THAP7: variants seen among roughly 807,000 people sequenced by gnomAD.
The protein encoded by THAP7 is THAP domain-containing protein 7.
In THAP7, 22 loss-of-function variants were observed where a neutral mutation model predicts 29.2. The observed-to-expected ratio is 0.75, with a 90% CI of 0.54 to 1.08. The LOEUF is 1.08. Ranked by LOEUF, THAP7 falls within the 50% of genes least tolerant of loss-of-function variation. The pLI, the probability that THAP7 is intolerant of heterozygous loss-of-function variation, is 0.00. For missense variants in THAP7, 448 were observed against 416.2 expected, an observed-to-expected ratio of 1.08 and a Z score of -0.66; for synonymous variants, 208 against 173.4, an observed-to-expected ratio of 1.20 and a Z score of -1.57.
In THAP7 at chr22:21,002,045, C is replaced by A; in HGVS notation, c.-134G>T. 1 of 772,282 alleles carries A rather than the reference C, an allele frequency of 1.3e-6. No homozygotes were observed. Among genetic ancestry groups the A allele is most frequent in the Non-Finnish European group, 2.0e-6 (1 of 508,904 alleles). The allele number at this position is 772,282 out of a possible 1,614,324, so 47.8% of individuals were successfully genotyped here. ...CCCCGGCCCGTTGTCGCCCCAACCC[C>A]GTCCCAGCCGATTCTCTTGACTTCT... is the stretch of plus-strand genomic sequence containing the variant. On this transcript the variant is annotated 5_prime_UTR_variant, in exon 1 of 4. Coordinates refer to ENST00000215742, the MANE Select transcript of THAP7 (RefSeq NM_030573.3).
Position 21,001,327 on chromosome 22 carries a change from G to A in THAP7, c.165C>T (p.Asp55=), listed in dbSNP as rs1036622006. The part of the protein sequence containing the change: ...RLDPSGQGLW[D]PASEYIYFCS... ...AGAAGTAGATGTACTCGGATGCCGG[G>A]TCCCACAGGCCCTGGCCGCTGGGGT... The change falls in exon 2 of 4, where the codon GAC becomes GAT. Residue 55 remains aspartate (D), a synonymous_variant. Coordinates refer to ENST00000215742, the MANE Select transcript of THAP7 (RefSeq NM_030573.3). 19 of 1,614,004 alleles carry A rather than the reference G, an allele frequency of 1.2e-5. No individual in the cohort carries two copies. The highest frequency in any genetic ancestry group is 1.4e-5 in the Non-Finnish European group (17 of 1,180,032).
chr22:21,000,175 G>C lies in THAP7; in HGVS notation c.635C>G (p.Ser212Ter). The change falls in exon 4 of 4, where the codon TCA (serine) becomes TGA (stop). Residue 212 changes from serine to a stop codon, truncating the protein, a stop_gained. Coordinates refer to ENST00000215742, the MANE Select transcript of THAP7 (RefSeq NM_030573.3). LOFTEE classifies it high-confidence loss of function. Reference protein sequence around the residue: ...SPLEPRPVSPSAYMLRLPPPA... With the variant: ...SPLEPRPVSP ...TGGGGGCAGGCGCAGCATATACGCTGAGGGGGAGACTGGCCGTGGTTCGAG... is the reference window on the plus strand; with the variant it reads ...TGGGGGCAGGCGCAGCATATACGCTCAGGGGGAGACTGGCCGTGGTTCGAG... 1 of 1,572,192 alleles carries C rather than the reference G, an allele frequency of 6.4e-7. No homozygotes were observed. Among genetic ancestry groups the C allele is most frequent in the Non-Finnish European group, 8.6e-7 (1 of 1,158,898 alleles).
chr22:21,000,653 C>G lies in THAP7; in HGVS notation c.371G>C (p.Arg124Thr). ...CCCCACCCATATCACATACCGCTTC[C>G]TGCATCGTCTGAGCCGGCTGACTTC... ...PAEVSRLRRC[R>T]KRCSEGRGPT... Residue 124 changes from arginine (R) to threonine (T), a missense_variant, in exon 3 of 4, where the codon AGG becomes ACG. Physicochemically the swap from Arg to Thr is moderately conservative, Grantham distance 71. Transcript: ENST00000215742. The G allele has an allele frequency of 6.2e-7, 1 of 1,614,118 alleles. No homozygotes were observed. The highest frequency in any genetic ancestry group is 8.5e-7 in the Non-Finnish European group (1 of 1,180,024).
In THAP7 at chr22:21,001,863, C is replaced by T; in HGVS notation, c.49G>A (p.Glu17Lys). 1.3e-6 allele frequency: 2 copies of T among 1,567,132 alleles called. No individual in the cohort carries two copies. The highest frequency in any genetic ancestry group is 1.7e-6 in the Non-Finnish European group (2 of 1,157,762). The change falls in exon 1 of 4, where the codon GAG becomes AAG. Residue 17 changes from glutamate to lysine, a missense_variant. By Grantham distance (56) the Glu-to-Lys change is moderately conservative (BLOSUM62 1). Transcript: ENST00000215742. ...AAGCCTRDTR[E>K]TRNRGISFHR... is the part of the protein sequence containing the mutation. ...AAGGAGATGCCGCGGTTGCGCGTCT[C>T]GCGCGTGTCCCGTGTGCAGCAGCCG... is the stretch of plus-strand genomic sequence containing the variant.
rs779765939 is a variant in THAP7 at position 21,001,396 on chromosome 22, G to A, written c.96C>T (p.Asp32=). The A allele has an allele frequency of 6.2e-6, 10 of 1,613,652 alleles. No individual in the cohort carries two copies. In the African/African-American group the frequency reaches 1.3e-4, roughly 22 times the overall value. The change falls in exon 2 of 4, where the codon GAC becomes GAT. Residue 32 remains aspartate (D), a synonymous_variant. Coordinates refer to ENST00000215742, the MANE Select transcript of THAP7 (RefSeq NM_030573.3). ...GISFHRLPKK[D]NPRRGLWLAN... ...CCAGCCACAAGCCTCGCCTCGGGTT[G>A]TCCTTCTTGGGAAGTCTGTGGAGCC...
rs1242103526 is a variant in THAP7, at chr22:20,999,111, C to G, written c.*769G>C. The G allele has an allele frequency of 1.3e-5, 2 of 152,242 alleles. No individual in the cohort carries two copies. The highest frequency in any genetic ancestry group is 2.9e-5 in the Non-Finnish European group (2 of 68,040). The allele number at this position is 152,242 out of a possible 1,614,324, so 9.4% of individuals were successfully genotyped here. A position where few individuals can be genotyped will look rare whatever the true frequency, so the allele number is the denominator to read the frequency against. On this transcript the variant is annotated 3_prime_UTR_variant, in exon 4 of 4. Coordinates refer to ENST00000215742, the MANE Select transcript of THAP7 (RefSeq NM_030573.3). Reference sequence around the variant, plus strand: ...CCTCGGCAGGGAGAGGCCATACTTGCAGTGAGTCACCCCAAGACGGAGCTG... The same window carrying G: ...CCTCGGCAGGGAGAGGCCATACTTGGAGTGAGTCACCCCAAGACGGAGCTG...
chr22:21,000,893 C>A, intron 2 of THAP7, 106 bp from the exon 3 acceptor site: 2 of 1,543,860 alleles, frequency 1.3e-6, no homozygotes, highest in Non-Finnish European at 1.8e-6. Context: ...ATCGTGCAAA[C>A]AATACGTCTG....
At chr22:21,001,125 T>C (rs1925141471) in intron 2 of THAP7, 131 bp downstream of exon 2, 3 of 1,347,660 alleles carry the variant, frequency 2.2e-6, no homozygotes, top group East Asian at 2.3e-5. Context: ...TGGGTTTCAC[T>C]GTGCAGAGCT....
At chr22:21,001,719 G>T in intron 1 of THAP7, 113 bp downstream of exon 1, 1 of 1,204,938 alleles carries the variant, frequency 8.3e-7, no homozygotes, top group Non-Finnish European at 1.1e-6. Flanking sequence ...CCCACCCACA[G>T]GTTCAAGCCT....
chr22:20,999,964 C>T lies in THAP7; in HGVS notation c.846G>A (p.Glu282=). 1 of 1,612,742 alleles carries T rather than the reference C, an allele frequency of 6.2e-7. No homozygotes were observed. Among genetic ancestry groups the T allele is most frequent in the Non-Finnish European group, 8.5e-7 (1 of 1,179,980 alleles). Reference sequence around the variant, plus strand: ...GGCGGGCATCTGCCTGTGCCCGCTTCTCCCGTGCCCGCTCCTGCTGCAGCT... The same window carrying T: ...GGCGGGCATCTGCCTGTGCCCGCTTTTCCCGTGCCCGCTCCTGCTGCAGCT... ...LTKLQQERAR[E]KRAQADARQT... Residue 282 remains glutamate, a synonymous_variant, in exon 4 of 4, where the codon GAG becomes GAA. Coordinates refer to ENST00000215742, the MANE Select transcript of THAP7 (RefSeq NM_030573.3).
At position 21,002,076 on chromosome 22, in the gene THAP7, C is replaced by T; in HGVS notation, c.-165G>A. On this transcript the variant is annotated 5_prime_UTR_variant, in exon 1 of 4. Coordinates refer to ENST00000215742, the MANE Select transcript of THAP7 (RefSeq NM_030573.3). ...AGCCGATTCTCTTGACTTCTGTCAG[C>T]GGCACTCACGCTCTGGCCATTGCTG... The T allele has an allele frequency of 4.7e-6, 3 of 636,958 alleles. No homozygotes were observed. Among genetic ancestry groups the T allele is most frequent in the South Asian group, 2.1e-5 (1 of 46,908 alleles). 39.5% of individuals were successfully genotyped at this position (636,958 alleles called of 1,614,324 possible). A position where few individuals can be genotyped will look rare whatever the true frequency, so the allele number is the denominator to read the frequency against.
Position 20,999,849 on chromosome 22 carries a change from T to C in THAP7, c.*31A>G, listed in dbSNP as rs370198154. ...AGGGAGGAAGAGGCTGCAGTCTTGC[T>C]GGGCAGCCCCTCGGTCAGTCCAGCA... On this transcript the variant is annotated 3_prime_UTR_variant, in exon 4 of 4. Coordinates refer to ENST00000215742, the MANE Select transcript of THAP7 (RefSeq NM_030573.3). 27 of 1,573,242 alleles carry C rather than the reference T, an allele frequency of 1.7e-5. No individual in the cohort carries two copies. The highest frequency in any genetic ancestry group is 2.1e-5 in the Non-Finnish European group (24 of 1,163,496).
Position 21,001,104 on chromosome 22 carries a change from G to A in THAP7, c.236+152C>T. ...TTTCCCCTTGTGTCACAGGCACAGT[G>A]ATCCTGGGGGTGGGTTTCACTGTGC... On this transcript the variant is annotated intron_variant, in intron 2 of 3. Transcript: ENST00000215742. 2.6e-6 allele frequency: 3 copies of A among 1,171,254 alleles called. No individual in the cohort carries two copies. The South Asian group carries it at 4.5e-5, about 17-fold the overall frequency. 72.6% of individuals were successfully genotyped at this position (1,171,254 alleles called of 1,614,324 possible). A position where few individuals can be genotyped will look rare whatever the true frequency, so the allele number is the denominator to read the frequency against.
Position 21,002,093 on chromosome 22 carries a change from C to T in THAP7, c.-182G>A, listed in dbSNP as rs935637137. On this transcript the variant is annotated 5_prime_UTR_variant, in exon 1 of 4. Transcript: ENST00000215742. ...TCTGTCAGCGGCACTCACGCTCTGG[C>T]CATTGCTGCGCCGCCGAAGTCTCGC... 1.7e-6 allele frequency: 1 copy of T among 596,298 alleles called. No homozygotes were observed. The highest frequency in any genetic ancestry group is 2.8e-6 in the Non-Finnish European group (1 of 355,006). The allele number at this position is 596,298 out of a possible 1,614,324, so 36.9% of individuals were successfully genotyped here.
chr22:21,001,859 G>A lies in THAP7; in HGVS notation c.53C>T (p.Thr18Met). The change falls in exon 1 of 4, where the codon ACG becomes ATG. Residue 18 changes from threonine (T) to methionine (M), a missense_variant. Transcript: ENST00000215742. Reference protein sequence around the residue: ...AGCCTRDTRETRNRGISFHRL... With the variant: ...AGCCTRDTREMRNRGISFHRL... ...GTGGAAGGAGATGCCGCGGTTGCGC[G>A]TCTCGCGCGTGTCCCGTGTGCAGCA... 6.4e-7 allele frequency: 1 copy of A among 1,565,510 alleles called. No homozygotes were observed. The highest frequency in any genetic ancestry group is 8.6e-7 in the Non-Finnish European group (1 of 1,156,926).
chr22:21,001,006 A>G (rs1265630743), intron 2 of THAP7: 11 of 865,788 alleles, frequency 1.3e-5, no homozygotes, highest in Non-Finnish European at 1.7e-5. Context: ...GACCAGCCAG[A>G]AAGAATTCTT....
At position 21,000,086 on chromosome 22, in the gene THAP7, G is replaced by A. The variant is rs375087817; in HGVS notation, c.724C>T (p.Arg242Trp). Residue 242 changes from arginine (R) to tryptophan (W), a missense_variant, in exon 4 of 4, where the codon CGG becomes TGG. Arg to Trp is a moderately radical substitution (Grantham distance 101). Coordinates refer to ENST00000215742, the MANE Select transcript of THAP7 (RefSeq NM_030573.3). ...YQVGSALLWK[R>W]RAEAALDALD... ...GCATCAAGGGCTGCCTCGGCTCGCC[G>A]CTTCCAGAGTAAGGCGCTGCCCACC... 92 of 1,612,568 alleles carry A rather than the reference G, an allele frequency of 5.7e-5. No individual in the cohort carries two copies. The highest frequency in any genetic ancestry group is 7.2e-5 in the Non-Finnish European group (85 of 1,179,890).
chr22:21,001,926 G>T lies in THAP7; in HGVS notation c.-15C>A, dbSNP rs1251514951. On this transcript the variant is annotated 5_prime_UTR_variant, in exon 1 of 4. Coordinates refer to ENST00000215742, the MANE Select transcript of THAP7 (RefSeq NM_030573.3). ...TGACGCGGCATCTGGGAAAGAGGCG[G>T]GAGTTAAGTCGCAAGCGGCTCTCCG... 2 of 1,552,672 alleles carry T rather than the reference G, an allele frequency of 1.3e-6. No individual in the cohort carries two copies. The highest frequency in any genetic ancestry group is 2.8e-5 in the African/African-American group (2 of 72,706).
At chr22:21,001,663 C>G in intron 1 of THAP7, 169 bp downstream of exon 1, 1 of 894,120 alleles carries the variant, frequency 1.1e-6, no homozygotes, top group East Asian at 2.7e-5. Context: ...CCCGTCCTCC[C>G]CTTCCCGACT....
Sources: allele counts gnomAD v4.1 joint callset, GRCh38; gene constraint gnomAD v4.1.1; transcripts MANE v1.5; gene names NCBI Gene and HGNC (gene_info 2026-07-23, HGNC 2026-07-21).